CREB5: variants seen among roughly 807,000 people sequenced by gnomAD.
CREB5 encodes the protein cAMP responsive element binding protein 5.
In CREB5, 19 loss-of-function variants were observed where a neutral mutation model predicts 57.1. That is an observed-to-expected ratio of 0.33 (90% CI 0.23 to 0.49). CREB5 has a LOEUF of 0.49. CREB5 is among the 20% of genes least tolerant of loss of function. The probability of loss-of-function intolerance (pLI) is 0.99; values close to 1 mark genes in which losing one functional copy is unlikely to be tolerated. For synonymous variants in CREB5, 238 were observed against 238.3 expected (o/e 1.00, Z 0.01); for missense variants, 579 against 671.6 (o/e 0.86, Z 1.52).
At chr7:28,667,223 A>T (rs1297840409) in intron 5 of CREB5, among the ~76,000 whole-genome samples, 1 of 151,354 alleles carries the variant, frequency 6.6e-6, no homozygotes, top group Non-Finnish European at 1.5e-5. Context: ...GGGAGCTGGA[A>T]TGTCAATCAG....
At chr7:28,515,665 A>G (rs960596164) in intron 4 of CREB5, among the ~76,000 whole-genome samples, 1 of 151,974 alleles carries the variant, frequency 6.6e-6, no homozygotes, top group African/African-American at 2.4e-5. Context: ...TCCACTCCTT[A>G]GGTCCAATCA....
At position 28,433,437 on chromosome 7, in the gene CREB5, A is replaced by G. The variant is rs149549930; in HGVS notation, c.3+20520A>G. Among the ~76,000 whole-genome samples, 676 of 152,240 alleles carry G rather than the reference A, an allele frequency of 4.4e-3. 5 individuals carry two copies. The highest frequency in any genetic ancestry group is 0.016 in the African/African-American group (646 of 41,550). ...TTTGCTGGCAATTTATGAATTGTTCATCTTTGTTTCTGCTTTTTGGCCATT... is the reference window on the plus strand; with the variant it reads ...TTTGCTGGCAATTTATGAATTGTTCGTCTTTGTTTCTGCTTTTTGGCCATT... On this transcript the variant is annotated intron_variant, in intron 1 of 10. Coordinates refer to ENST00000357727, the MANE Select transcript of CREB5 (RefSeq NM_182898.4).
At chr7:28,482,371 T>A (rs919295831) in intron 1 of CREB5, among the ~76,000 whole-genome samples, 1 of 152,212 alleles carries the variant, frequency 6.6e-6, no homozygotes, top group Admixed American at 6.5e-5. Flanking sequence ...TTCTGACAGA[T>A]GTATTGAGAT....
intron 1 of CREB5, among the ~76,000 whole-genome samples, chr7:28,417,353 C>CTTTT (rs11433698): frequency 2.1e-5 from 3 of 145,030 alleles, no homozygotes; most frequent in African/African-American, 5.1e-5. Flanking sequence ...CTTTCTCTCT[C>CTTTT]TTTTTTTTTT....
intron 1 of CREB5, among the ~76,000 whole-genome samples, chr7:28,472,175 T>G (rs965925139): frequency 6.7e-6 from 1 of 148,500 alleles, no homozygotes; most frequent in Middle Eastern, 3.5e-3. Context: ...AACATAGTAA[T>G]GAGATTGTCT....
chr7:28,436,399 C>T (rs1788963988), intron 1 of CREB5, among the ~76,000 whole-genome samples: 1 of 152,138 alleles, frequency 6.6e-6, no homozygotes, highest in African/African-American at 2.4e-5. Flanking sequence ...GTTGTTCCCT[C>T]CCCCGACCAT....
chr7:28,419,334 T>C (rs1447892333), intron 1 of CREB5, among the ~76,000 whole-genome samples: 1 of 152,370 alleles, frequency 6.6e-6, no homozygotes, highest in South Asian at 2.1e-4. Flanking sequence ...CGTGCCAATG[T>C]ACTGTCTTCA....
chr7:28,397,659 G>A (rs1034261742), intron 1 of CREB5, among the ~76,000 whole-genome samples: 2 of 152,180 alleles, frequency 1.3e-5, no homozygotes, highest in African/African-American at 4.8e-5. Flanking sequence ...CATGAAATCT[G>A]ACAAATGGAG....
chr7:28,810,736 T>G (rs531581746), intron 9 of CREB5, among the ~76,000 whole-genome samples: 1 of 152,068 alleles, frequency 6.6e-6, no homozygotes. Context: ...CATTGGTAGG[T>G]CACTTTTATC....
intron 1 of CREB5, among the ~76,000 whole-genome samples, chr7:28,426,612 T>C (rs1220789582): frequency 6.6e-6 from 1 of 152,236 alleles, no homozygotes; most frequent in Non-Finnish European, 1.5e-5. Flanking sequence ...ATTCACTTCC[T>C]GCCTGTGAAA....
intron 1 of CREB5, among the ~76,000 whole-genome samples, chr7:28,359,207 T>TAC (rs1786409569): frequency 7.6e-6 from 1 of 132,294 alleles, no homozygotes; most frequent in African/African-American, 2.8e-5. Flanking sequence ...AAAAAGCGAA[T>TAC]ACACACACAA....
chr7:28,712,163 C>T (rs1342884036), intron 5 of CREB5, among the ~76,000 whole-genome samples: 1 of 152,058 alleles, frequency 6.6e-6, no homozygotes, highest in Non-Finnish European at 1.5e-5. Flanking sequence ...TAATTATTAC[C>T]TGCCAAGGAA....
chr7:28,551,374 C>A (rs933449065), intron 4 of CREB5, among the ~76,000 whole-genome samples: 1 of 152,066 alleles, frequency 6.6e-6, no homozygotes, highest in Non-Finnish European at 1.5e-5. Flanking sequence ...AGCTTCCTTC[C>A]CCTTCTTTTT....
upstream of CREB5, chr7:28,410,057 C>G (rs1787708348): frequency 2.3e-6 from 1 of 425,832 alleles, no homozygotes; most frequent in African/African-American, 2.1e-5. Context: ...GCCGGGTCAC[C>G]TAGGGGGCGG....
chr7:28,509,311 C>T (rs1792605860), intron 4 of CREB5, among the ~76,000 whole-genome samples: 1 of 152,180 alleles, frequency 6.6e-6, no homozygotes, highest in Non-Finnish European at 1.5e-5. Flanking sequence ...AGATATTCTC[C>T]ATTGCATTAT....
chr7:28,503,823 A>G (rs1397876234), intron 3 of CREB5, among the ~76,000 whole-genome samples: 1 of 152,186 alleles, frequency 6.6e-6, no homozygotes, highest in East Asian at 1.9e-4. Context: ...CTCTTCAGCC[A>G]TGGAGAAATG....
At chr7:28,466,258 G>A (rs1183335044) in intron 1 of CREB5, among the ~76,000 whole-genome samples, 1 of 148,680 alleles carries the variant, frequency 6.7e-6, no homozygotes, top group Non-Finnish European at 1.5e-5. Flanking sequence ...TAGCTTAGTT[G>A]GTACTTCATA....
chr7:28,646,151 A>G (rs1236477807), intron 5 of CREB5, among the ~76,000 whole-genome samples: 5 of 152,148 alleles, frequency 3.3e-5, no homozygotes, highest in Non-Finnish European at 7.4e-5. Context: ...GTCCCTCATA[A>G]TAGATCTGTT....
At chr7:28,625,546 C>T (rs191618220) in intron 5 of CREB5, among the ~76,000 whole-genome samples, 28 of 152,282 alleles carry the variant, frequency 1.8e-4, no homozygotes, top group Non-Finnish European at 2.5e-4. Flanking sequence ...AAGCACAGTC[C>T]GCCAAAACCT....
Sources: gnomAD v4.1 joint callset for allele counts (sites outside exome capture counted in the v4.1 genomes callset) on GRCh38, gnomAD v4.1.1 for gene constraint, MANE v1.5 for transcripts, NCBI Gene and HGNC (gene_info 2026-07-23, HGNC 2026-07-21) for gene names.